The following TMEM236 variants were observed in gnomAD, a reference collection of about 807,000 sequenced individuals.
The protein encoded by TMEM236 is transmembrane protein 236.
A neutral mutation model predicts 14.7 loss-of-function variants in TMEM236; 11 were observed. The observed-to-expected ratio is 0.75, with a 90% CI of 0.47 to 1.24. TMEM236 has a LOEUF of 1.24. TMEM236 is among the 50% of genes most tolerant of loss of function. The pLI, the probability that TMEM236 is intolerant of heterozygous loss-of-function variation, is 0.00. For synonymous variants in TMEM236, 182 were observed against 168.6 expected (o/e 1.08, Z -0.62); for missense variants, 464 against 427.3 (o/e 1.09, Z -0.76).
intron 1 of TMEM236, among the ~76,000 whole-genome samples, chr10:17,762,053 T>G (rs1055017483): frequency 1.1e-4 from 16 of 152,184 alleles, no homozygotes; most frequent in African/African-American, 3.6e-4. Flanking sequence ...TCCCCATTTC[T>G]ATTGCTTTTT....
intron 2 of TMEM236, 130 bp from the exon 3 acceptor site, chr10:17,775,899 A>G: frequency 1.6e-6 from 2 of 1,258,784 alleles, no homozygotes; most frequent in Non-Finnish European, 2.3e-6. Context: ...CTGATGAGTT[A>G]AAAACCAACC....
chr10:17,788,815 C>A (rs2131764162), intron 3 of TMEM236, among the ~76,000 whole-genome samples: 1 of 152,222 alleles, frequency 6.6e-6, no homozygotes, highest in South Asian at 2.1e-4. Flanking sequence ...AAGAAAGTTG[C>A]CGCAACTATT....
rs1384828990 is a variant in TMEM236 at position 17,776,058 on chromosome 10, T to C, written c.360T>C (p.Asp120=). 9 of 1,613,804 alleles carry C rather than the reference T, an allele frequency of 5.6e-6. No individual in the cohort carries two copies. In the South Asian group the frequency reaches 6.6e-5, roughly 12 times the overall value. ...AAAAGAGCATTAATGGGTCCGCTGA[T>C]GTCTTACCTGATATGTTACCTGACC... ...EVQKSINGSA[D]VLPDMLPDLP... is the part of the protein sequence containing the mutation. Residue 120 remains aspartate, a synonymous_variant, in exon 3 of 4, where the codon GAT becomes GAC. Coordinates refer to ENST00000377495, the MANE Select transcript of TMEM236 (RefSeq NM_001098844.3).
chr10:17,768,891 T>G (rs1357114506), intron 1 of TMEM236, among the ~76,000 whole-genome samples: 1 of 152,146 alleles, frequency 6.6e-6, no homozygotes, highest in Non-Finnish European at 1.5e-5. Context: ...CATCAAAGAT[T>G]TTTTTAAATT....
chr10:17,796,738 T>C lies in TMEM236; in HGVS notation c.*234T>C. On this transcript the variant is annotated 3_prime_UTR_variant, in exon 4 of 4. Transcript: ENST00000377495. ...TTGGCTCTCAGGTATTTCTAGAAAA[T>C]GTTAGCAGCTAATTTTAGTTAGTTA... The C allele has an allele frequency of 1.8e-6, 1 of 543,480 alleles. No individual in the cohort carries two copies. Among genetic ancestry groups the C allele is most frequent in the Non-Finnish European group, 3.2e-6 (1 of 307,906 alleles). The allele number at this position is 543,480 out of a possible 1,614,324, so 33.7% of individuals were successfully genotyped here. A position where few individuals can be genotyped will look rare whatever the true frequency, so the allele number is the denominator to read the frequency against.
At chr10:17,788,075 A>C (rs1837867052) in intron 3 of TMEM236, among the ~76,000 whole-genome samples, 1 of 150,376 alleles carries the variant, frequency 6.6e-6, no homozygotes, top group Non-Finnish European at 1.5e-5. Context: ...TTTTATATAT[A>C]TTATAAAATA....
rs1056240937 is a variant in TMEM236 at position 17,793,480 on chromosome 10, C to T, written c.473-2441C>T. On this transcript the variant is annotated intron_variant, in intron 3 of 3. Coordinates refer to ENST00000377495, the MANE Select transcript of TMEM236 (RefSeq NM_001098844.3). ...TATTTTCTATATTGATTTTTAAATT[C>T]ATTTTTATTTATTTTATTTTTTGAG... is the stretch of plus-strand genomic sequence containing the variant. 5.5e-4 allele frequency among the ~76,000 whole-genome samples: 84 copies of T among 152,118 alleles called. 1 individual carries two copies. Among genetic ancestry groups the T allele is most frequent in the Non-Finnish European group, 1.0e-3 (68 of 67,982 alleles).
intron 3 of TMEM236, among the ~76,000 whole-genome samples, chr10:17,793,454 A>G (rs1396248259): frequency 6.6e-6 from 1 of 152,146 alleles, no homozygotes; most frequent in East Asian, 1.9e-4. Context: ...TTATAAGGCA[A>G]TATTTTCTAT....
At chr10:17,791,386 A>C (rs1837922423) in intron 3 of TMEM236, among the ~76,000 whole-genome samples, 1 of 151,938 alleles carries the variant, frequency 6.6e-6, no homozygotes, top group African/African-American at 2.4e-5. Context: ...TGAGTCTGAG[A>C]GTTGGAGGCT....
At position 17,752,290 on chromosome 10, in the gene TMEM236, C is replaced by T; in HGVS notation, c.-6C>T. ...CCAGGTTCTTGGCAGCTTGCTTTTCCTCAGGATGGCTTCTGGAAGGCTCAT... is the reference window on the plus strand; with the variant it reads ...CCAGGTTCTTGGCAGCTTGCTTTTCTTCAGGATGGCTTCTGGAAGGCTCAT... On this transcript the variant is annotated 5_prime_UTR_variant, in exon 1 of 4. Transcript: ENST00000377495. 6.2e-7 allele frequency: 1 copy of T among 1,613,950 alleles called. No homozygotes were observed. The highest frequency in any genetic ancestry group is 8.5e-7 in the Non-Finnish European group (1 of 1,179,866).
intron 3 of TMEM236, among the ~76,000 whole-genome samples, chr10:17,787,987 G>A (rs1157303264): frequency 1.3e-5 from 2 of 151,824 alleles, no homozygotes; most frequent in African/African-American, 4.8e-5. Context: ...TTTCTCTTTG[G>A]CAATGAGATA....
intron 2 of TMEM236, among the ~76,000 whole-genome samples, chr10:17,773,018 A>T (rs1421135232): frequency 6.6e-6 from 1 of 152,204 alleles, no homozygotes; most frequent in Non-Finnish European, 1.5e-5. Context: ...ATTCGTTTTC[A>T]GCTGTAGAGT....
At chr10:17,791,132 C>G (rs1366043324) in intron 3 of TMEM236, among the ~76,000 whole-genome samples, 1 of 152,008 alleles carries the variant, frequency 6.6e-6, no homozygotes, top group Non-Finnish European at 1.5e-5. Context: ...CTCTCTGTGC[C>G]TCAGTTTACT....
At chr10:17,794,865 G>T (rs1023330224) in intron 3 of TMEM236, among the ~76,000 whole-genome samples, 1 of 151,928 alleles carries the variant, frequency 6.6e-6, no homozygotes, top group East Asian at 1.9e-4. Context: ...TGGAAACCCC[G>T]TCTCTACTAA....
chr10:17,773,599 A>C (rs1012261081), intron 2 of TMEM236, among the ~76,000 whole-genome samples: 1 of 152,128 alleles, frequency 6.6e-6, no homozygotes, highest in African/African-American at 2.4e-5. Flanking sequence ...CGGCCTCCCA[A>C]AATGCTGAGA....
intron 2 of TMEM236, among the ~76,000 whole-genome samples, chr10:17,773,953 GGGT>G (rs1218574559): frequency 1.3e-5 from 2 of 152,080 alleles, no homozygotes; most frequent in Admixed American, 1.3e-4. Context: ...GATAGTGCTT[GGGT>G]CACTCACTTG....
intron 1 of TMEM236, among the ~76,000 whole-genome samples, chr10:17,761,224 A>G (rs1028842401): frequency 6.6e-6 from 1 of 152,116 alleles, no homozygotes; most frequent in Non-Finnish European, 1.5e-5. Context: ...ATTCAAATCC[A>G]GTGTCAGACC....
At chr10:17,774,071 G>A (rs1031073205) in intron 2 of TMEM236, among the ~76,000 whole-genome samples, 2 of 150,234 alleles carry the variant, frequency 1.3e-5, no homozygotes, top group South Asian at 2.1e-4. Context: ...TTGAGATGAA[G>A]TGTTGCCCTA....
chr10:17,757,188 T>G (rs1431547889), intron 1 of TMEM236, among the ~76,000 whole-genome samples: 1 of 149,030 alleles, frequency 6.7e-6, no homozygotes, highest in African/African-American at 2.6e-5. Context: ...GCTTTACACC[T>G]TCTGTACTGT....
Sources: allele counts gnomAD v4.1 joint callset (sites outside exome capture counted in the v4.1 genomes callset), GRCh38; gene constraint gnomAD v4.1.1; transcripts MANE v1.5; gene names NCBI Gene and HGNC (gene_info 2026-07-23, HGNC 2026-07-21).